Variants in NUBPL observed in about 807,000 individuals in gnomAD.
NUBPL encodes NUBP iron-sulfur cluster assembly factor, mitochondrial.
NUBPL carries 31 observed loss-of-function variants against 45.7 expected under a neutral mutation model. The observed-to-expected ratio is 0.68, with a 90% CI of 0.51 to 0.92. The LOEUF (loss-of-function observed/expected upper bound fraction) is 0.92, where lower values mean the gene tolerates loss of function less well. Among genes scored for constraint, NUBPL ranks in the 40% least tolerant of loss-of-function variants. NUBPL has a pLI of 0.00. For synonymous variants in NUBPL, 144 were observed against 140.9 expected (o/e 1.02, Z -0.15); for missense variants, 401 against 398.7 (o/e 1.01, Z -0.05).
intron 4 of NUBPL, among the ~76,000 whole-genome samples, chr14:31,620,232 C>T (rs2035023775): frequency 6.6e-6 from 1 of 152,016 alleles, no homozygotes. Flanking sequence ...GAACATACTC[C>T]TGTAGCTCAG....
chr14:31,830,119 T>G (rs953068804), intron 8 of NUBPL, among the ~76,000 whole-genome samples: 3 of 152,230 alleles, frequency 2.0e-5, no homozygotes, highest in Non-Finnish European at 4.4e-5. Flanking sequence ...CATTCCCTGC[T>G]ACTGAAAAGT....
At chr14:31,699,116 A>G (rs2037278071) in intron 6 of NUBPL, among the ~76,000 whole-genome samples, 1 of 152,186 alleles carries the variant, frequency 6.6e-6, no homozygotes, top group South Asian at 2.1e-4. Context: ...TGGCCTCCCA[A>G]AGTGCTGGGA....
chr14:31,629,764 A>G (rs562843016), intron 4 of NUBPL, among the ~76,000 whole-genome samples: 1 of 152,326 alleles, frequency 6.6e-6, no homozygotes, highest in South Asian at 2.1e-4. Flanking sequence ...GCCGAGGTAC[A>G]AAGAGAACAT....
intron 7 of NUBPL, among the ~76,000 whole-genome samples, chr14:31,792,547 A>G (rs1011276090): frequency 6.6e-6 from 1 of 152,116 alleles, no homozygotes; most frequent in Admixed American, 6.6e-5. Flanking sequence ...GAGTTGTAGC[A>G]GGCAGTGTTA....
At position 31,814,537 on chromosome 14, in the gene NUBPL, A is replaced by T. The variant is rs560000636; in HGVS notation, c.608-12092A>T. On this transcript the variant is annotated intron_variant, in intron 7 of 10. Transcript: ENST00000281081. ...TGCTGTGCAGAATCTCTTTAGTTTA[A>T]CTCCATCCCATTTGTCAATATTGGC... Among the ~76,000 whole-genome samples the T allele has an allele frequency of 1.7e-4, 26 of 150,278 alleles. No homozygotes were observed. The South Asian group carries it at 5.0e-3, about 29-fold the overall frequency.
chr14:31,581,089 G>T (rs1450140468), intron 3 of NUBPL, among the ~76,000 whole-genome samples: 2 of 152,160 alleles, frequency 1.3e-5, no homozygotes, highest in Non-Finnish European at 2.9e-5. Context: ...TGATAGCTTG[G>T]ACTATGGTGG....
chr14:31,703,534 C>A (rs1241596795), intron 6 of NUBPL, among the ~76,000 whole-genome samples: 4 of 152,172 alleles, frequency 2.6e-5, no homozygotes, highest in Non-Finnish European at 4.4e-5. Context: ...ACAATCATGG[C>A]AGAAGGCAAG....
intron 6 of NUBPL, among the ~76,000 whole-genome samples, chr14:31,760,038 ATATTGT>A (rs1328296443): frequency 6.6e-6 from 1 of 151,400 alleles, no homozygotes; most frequent in East Asian, 1.9e-4. Context: ...TCTATACAGT[ATATTGT>A]TATTAACTGT....
At chr14:31,690,480 C>T (rs1020504925) in intron 6 of NUBPL, among the ~76,000 whole-genome samples, 3 of 152,118 alleles carry the variant, frequency 2.0e-5, no homozygotes, top group Admixed American at 6.5e-5. Context: ...TCTTCTTGCC[C>T]TCAAACACAA....
intron 6 of NUBPL, among the ~76,000 whole-genome samples, chr14:31,741,931 T>C (rs1406049597): frequency 6.6e-6 from 1 of 152,014 alleles, no homozygotes; most frequent in Non-Finnish European, 1.5e-5. Context: ...GCTCCTTCCA[T>C]GCCAGACGTG....
At chr14:31,710,434 C>A (rs540332345) in intron 6 of NUBPL, among the ~76,000 whole-genome samples, 1 of 152,272 alleles carries the variant, frequency 6.6e-6, no homozygotes, top group Admixed American at 6.5e-5. Flanking sequence ...GCAGCAGAAA[C>A]ACTAGCTTTT....
intron 7 of NUBPL, among the ~76,000 whole-genome samples, chr14:31,788,519 A>T (rs1446542757): frequency 1.3e-5 from 2 of 152,178 alleles, no homozygotes. Flanking sequence ...AGTGTTGGAT[A>T]TGAAGTCTAC....
At position 31,826,109 on chromosome 14, in the gene NUBPL, C is replaced by T. The variant is rs111985028; in HGVS notation, c.608-520C>T. 6.3e-3 allele frequency among the ~76,000 whole-genome samples: 956 copies of T among 151,962 alleles called. 6 individuals are homozygous for T. Among genetic ancestry groups the T allele is most frequent in the Non-Finnish European group, 9.1e-3 (618 of 67,918 alleles). On this transcript the variant is annotated intron_variant, in intron 7 of 10. Transcript: ENST00000281081. ...TCCTGAATCACTGATTAGTCAGTTG[C>T]GATTTTTATTTTATTTTATTTTTTG...
intron 6 of NUBPL, among the ~76,000 whole-genome samples, chr14:31,704,173 G>T (rs1467379868): frequency 6.6e-6 from 1 of 152,148 alleles, no homozygotes; most frequent in Non-Finnish European, 1.5e-5. Flanking sequence ...CTCAGGGCAG[G>T]AGGGTGACTC....
At chr14:31,772,064 A>G (rs2039019158) in intron 6 of NUBPL, 2 of 160,330 alleles carry the variant, frequency 1.2e-5, no homozygotes, top group East Asian at 3.8e-4. Flanking sequence ...TCCCTTTAGG[A>G]CCTTGAATCT....
intron 7 of NUBPL, among the ~76,000 whole-genome samples, chr14:31,824,294 C>T (rs950674253): frequency 6.6e-6 from 1 of 151,998 alleles, no homozygotes; most frequent in Non-Finnish European, 1.5e-5. Context: ...AATTTTGAAT[C>T]CTGATCTCTT....
intron 4 of NUBPL, among the ~76,000 whole-genome samples, chr14:31,667,545 A>G (rs561357578): frequency 1.3e-5 from 2 of 151,872 alleles, no homozygotes; most frequent in South Asian, 2.1e-4. Context: ...CCTTCTGCCT[A>G]CTTCTGTCAA....
intron 6 of NUBPL, among the ~76,000 whole-genome samples, chr14:31,709,579 G>T (rs2037525707): frequency 6.6e-6 from 1 of 152,174 alleles, no homozygotes; most frequent in Non-Finnish European, 1.5e-5. Context: ...TAAAGGCCAG[G>T]GTTTGATCTA....
chr14:31,643,453 A>G (rs2035761726), intron 4 of NUBPL, among the ~76,000 whole-genome samples: 3 of 152,170 alleles, frequency 2.0e-5, no homozygotes, highest in Admixed American at 6.5e-5. Flanking sequence ...TATTACATGT[A>G]TTGATTTCCG....
Sources: gnomAD v4.1 joint callset for allele counts (sites outside exome capture counted in the v4.1 genomes callset) on GRCh38, gnomAD v4.1.1 for gene constraint, MANE v1.5 for transcripts, NCBI Gene and HGNC (gene_info 2026-07-23, HGNC 2026-07-21) for gene names.